Variants in TRIO observed in about 807,000 individuals in gnomAD.
The protein encoded by TRIO is triple functional domain protein.
In TRIO, 58 loss-of-function variants were observed where a neutral mutation model predicts 351.9. That is an observed-to-expected ratio of 0.16 (90% CI 0.13 to 0.21). The LOEUF (loss-of-function observed/expected upper bound fraction) is 0.21. TRIO is among the 10% of genes least tolerant of loss of function. The probability of loss-of-function intolerance (pLI) is 1.00; values close to 1 mark genes in which losing one functional copy is unlikely to be tolerated. For synonymous variants in TRIO, 1,758 were observed against 1,595.7 expected (o/e 1.10, Z -2.42); for missense variants, 3,201 against 4,027.8 (o/e 0.79, Z 5.56).
intron 33 of TRIO, 75 bp downstream of exon 33, chr5:14,406,747 G>C (rs1748755920): frequency 2.1e-6 from 3 of 1,417,442 alleles, no homozygotes; most frequent in Non-Finnish European, 3.0e-6. Context: ...CCTCCTTTCT[G>C]TTACTCACAG....
At chr5:14,476,611 G>C (rs147259131) in intron 40 of TRIO, among the ~76,000 whole-genome samples, 1 of 151,964 alleles carries the variant, frequency 6.6e-6, no homozygotes, top group Non-Finnish European at 1.5e-5. Flanking sequence ...GGCCAACATG[G>C]TGAAACCTTG....
chr5:14,298,764 A>G (rs1286851018), intron 7 of TRIO, among the ~76,000 whole-genome samples: 1 of 152,216 alleles, frequency 6.6e-6, no homozygotes, highest in Non-Finnish European at 1.5e-5. Flanking sequence ...GAGAGTTTCA[A>G]TGGTAAGGAT....
At chr5:14,198,169 A>G (rs1385583691) in intron 1 of TRIO, among the ~76,000 whole-genome samples, 10 of 152,214 alleles carry the variant, frequency 6.6e-5, no homozygotes, top group Non-Finnish European at 1.3e-4. Flanking sequence ...TTTGAAATAT[A>G]TAGAGTTTTA....
intron 9 of TRIO, among the ~76,000 whole-genome samples, chr5:14,328,833 G>T (rs570674553): frequency 6.6e-6 from 1 of 152,188 alleles, no homozygotes; most frequent in South Asian, 2.1e-4. Context: ...TGGAAATGGA[G>T]GGGTGGAAAT....
chr5:14,421,227 ATTTATTTTATTTTATTTTATTTTAT>A (rs77834736), intron 34 of TRIO, among the ~76,000 whole-genome samples: 15 of 118,084 alleles, frequency 1.3e-4, no homozygotes, highest in South Asian at 2.8e-4. Context: ...TTATTTATTT[ATTTATTTTATTTTATTTTATTTTAT>A]TTTATTTTAT....
chr5:14,348,655 T>G (rs1237785781), intron 11 of TRIO, among the ~76,000 whole-genome samples: 1 of 144,696 alleles, frequency 6.9e-6, no homozygotes, highest in Non-Finnish European at 1.5e-5. Flanking sequence ...AACCTGTTTT[T>G]CCTGTGTGTA....
At chr5:14,484,425 T>C (rs573343546) in intron 46 of TRIO, among the ~76,000 whole-genome samples, 1 of 152,326 alleles carries the variant, frequency 6.6e-6, no homozygotes, top group African/African-American at 2.4e-5. Flanking sequence ...TAGTTCAAAC[T>C]ATTAGTTTAA....
rs114194578 is a variant in TRIO at position 14,397,478 on chromosome 5, C to T, written c.4423+324C>T. 948 of 226,262 alleles carry T rather than the reference C, an allele frequency of 4.2e-3. 12 individuals carry two copies. Among genetic ancestry groups the T allele is most frequent in the African/African-American group, 0.02 (873 of 44,244 alleles). 14.0% of individuals were successfully genotyped at this position (226,262 alleles called of 1,614,324 possible). A position where few individuals can be genotyped will look rare whatever the true frequency, so the allele number is the denominator to read the frequency against. ...GTGGGTGTATGGGTGGATCAAACCC[C>T]AGGACTGTAAAATCCTTAAAAGAAT... On this transcript the variant is annotated intron_variant, in intron 29 of 56. Transcript: ENST00000344204.
At chr5:14,492,538 T>C (rs1756564672) in intron 48 of TRIO, 29 bp from the exon 49 acceptor site, 2 of 1,609,546 alleles carry the variant, frequency 1.2e-6, no homozygotes, top group Non-Finnish European at 1.7e-6. Context: ...CCTCCCTGCC[T>C]TTCTCTGTCT....
In TRIO at chr5:14,349,391, C is replaced by T. The variant is rs575258694; in HGVS notation, c.2047-8787C>T. ...ACATGTGAGCATGTGTGTGTTTTAC[C>T]CTATTATTCCATATCTCTTTCCTTG... is the stretch of plus-strand genomic sequence containing the variant. On this transcript the variant is annotated intron_variant, in intron 11 of 56. Transcript: ENST00000344204. 5.3e-5 allele frequency among the ~76,000 whole-genome samples: 8 copies of T among 152,234 alleles called. No individual in the cohort carries two copies. In the South Asian group the frequency reaches 1.5e-3, roughly 28 times the overall value.
intron 34 of TRIO, among the ~76,000 whole-genome samples, chr5:14,438,216 T>G (rs1751752447): frequency 6.6e-6 from 1 of 152,214 alleles, no homozygotes; most frequent in Admixed American, 6.5e-5. Flanking sequence ...TCTCCTTTCT[T>G]TGCAAAATTC....
At chr5:14,474,423 A>G (rs1174014774) in intron 40 of TRIO, among the ~76,000 whole-genome samples, 1 of 152,202 alleles carries the variant, frequency 6.6e-6, no homozygotes, top group Non-Finnish European at 1.5e-5. Flanking sequence ...GTACACTTCC[A>G]TTCTTCATCT....
At chr5:14,438,127 A>G (rs760795611) in intron 34 of TRIO, among the ~76,000 whole-genome samples, 17 of 152,182 alleles carry the variant, frequency 1.1e-4, no homozygotes, top group Non-Finnish European at 2.1e-4. Context: ...TTAAATTTCT[A>G]CATTACACGT....
chr5:14,319,561 C>T lies in TRIO; in HGVS notation c.1731+2818C>T, dbSNP rs114134883. On this transcript the variant is annotated intron_variant, in intron 9 of 56. Transcript: ENST00000344204. ...ATAAATTTGTAAAGACAGTAGTAAC[C>T]GAAATCCATAAAAACATAGTAAGCC... 8.7e-3 allele frequency among the ~76,000 whole-genome samples: 1,327 copies of T among 152,204 alleles called. 15 individuals are homozygous for T. The highest frequency in any genetic ancestry group is 0.03 in the African/African-American group (1,245 of 41,510).
In TRIO at chr5:14,378,635, C is replaced by G. The variant is rs558139264; in HGVS notation, c.3447+508C>G. 2.0e-5 allele frequency among the ~76,000 whole-genome samples: 3 copies of G among 151,984 alleles called. No individual in the cohort carries two copies. The South Asian group carries it at 6.2e-4, about 32-fold the overall frequency. ...AGTGCAATGGCACGGTCTCAGCTTA[C>G]TGCAACCTCTGTCTCCCAGGTTCAA... On this transcript the variant is annotated intron_variant, in intron 20 of 56. Transcript: ENST00000344204.
At chr5:14,406,546 G>A (rs1278764771) in intron 32 of TRIO, 27 bp from the exon 33 acceptor site, 1 of 1,609,790 alleles carries the variant, frequency 6.2e-7, no homozygotes, top group South Asian at 1.1e-5. Context: ...GCAGCATCAG[G>A]AACTAAAAGT....
At chr5:14,408,780 C>T (rs773818376) in intron 33 of TRIO, among the ~76,000 whole-genome samples, 48 of 152,004 alleles carry the variant, frequency 3.2e-4, no homozygotes, top group African/African-American at 9.2e-4. Flanking sequence ...TTGAGATCAC[C>T]GTCAAGCCCC....
Position 14,492,686 on chromosome 5 carries a change from C to T in TRIO, c.7752C>T (p.Asn2584=), listed in dbSNP as rs139348547. Residue 2584 remains asparagine, a synonymous_variant, in exon 49 of 57, where the codon AAC becomes AAT. Transcript: ENST00000344204. ...QGEVVQILAS[N]QQNMFLVFRA... Reference sequence around the variant, plus strand: ...AGGTCGTTCAAATTCTGGCCAGCAACCAGCAGAACATGTTTCTGGTGTTCC... The same window carrying T: ...AGGTCGTTCAAATTCTGGCCAGCAATCAGCAGAACATGTTTCTGGTGTTCC... 2.5e-6 allele frequency: 4 copies of T among 1,614,120 alleles called. No homozygotes were observed. The highest frequency in any genetic ancestry group is 3.4e-6 in the Non-Finnish European group (4 of 1,180,026).
rs1745729617 is a variant in TRIO, at chr5:14,378,082, G to A, written c.3402G>A (p.Leu1134=). 2 of 1,613,582 alleles carry A rather than the reference G, an allele frequency of 1.2e-6. No individual in the cohort carries two copies. The highest frequency in any genetic ancestry group is 1.3e-5 in the African/African-American group (1 of 75,036). ...LHYWTMRKRR[L]DQCQQYVVFE... is the part of the protein sequence containing the mutation. ...ACTGGACCATGAGGAAGAGACGGCT[G>A]GACCAGTGTCAGCAGTACGTGGTCT... The change falls in exon 20 of 57, where the codon CTG becomes CTA. Residue 1134 remains leucine, a synonymous_variant. Transcript: ENST00000344204.
Sources: gnomAD v4.1 joint callset for allele counts (sites outside exome capture counted in the v4.1 genomes callset) on GRCh38, gnomAD v4.1.1 for gene constraint, MANE v1.5 for transcripts, NCBI Gene and HGNC (gene_info 2026-07-23, HGNC 2026-07-21) for gene names.